The following DCAF6 variants were observed in gnomAD, a reference collection of about 807,000 sequenced individuals.
DCAF6 encodes the protein DDB1- and CUL4-associated factor 6.
In DCAF6, 54 loss-of-function variants were observed where a neutral mutation model predicts 125.1. The observed-to-expected ratio is 0.43, with a 90% confidence interval of 0.35 to 0.54. The LOEUF is 0.54. Ranked by LOEUF, DCAF6 falls within the 20% of genes least tolerant of loss-of-function variation. The pLI is 0.01. For missense variants in DCAF6, 934 were observed against 1,161.7 expected (o/e 0.80, Z 2.85); for synonymous variants, 371 against 390.4 (o/e 0.95, Z 0.58).
intron 1 of DCAF6, among the ~76,000 whole-genome samples, chr1:167,947,224 T>C (rs981420117): frequency 6.6e-6 from 1 of 152,164 alleles, no homozygotes; most frequent in Non-Finnish European, 1.5e-5. Flanking sequence ...ATGTCTCCTT[T>C]TTCATTTCTG....
At position 168,054,442 on chromosome 1, in the gene DCAF6, C is replaced by G. The variant is rs2101880493; in HGVS notation, c.2300+3509C>G. Among the ~76,000 whole-genome samples, 2 of 152,238 alleles carry G rather than the reference C, an allele frequency of 1.3e-5. 1 individual carries two copies. The highest frequency in any genetic ancestry group is 4.1e-4 in the South Asian group (2 of 4,828). On this transcript the variant is annotated intron_variant, in intron 17 of 21. Coordinates refer to ENST00000367840, the MANE Select transcript of DCAF6 (RefSeq NM_001198956.2). Reference sequence around the variant, plus strand: ...ATTAATTCATTCTTGAGAGTGGAGCCCTCATGATCCAATCACCTTTTAAAG... The same window carrying G: ...ATTAATTCATTCTTGAGAGTGGAGCGCTCATGATCCAATCACCTTTTAAAG...
chr1:167,912,157 C>A, the DCAF6 span, among the ~76,000 whole-genome samples: 2 of 152,042 alleles, frequency 1.3e-5, no homozygotes. Flanking sequence ...TTATTATGAC[C>A]TTTTTATGTG....
intron 10 of DCAF6, among the ~76,000 whole-genome samples, chr1:168,012,125 C>G (rs1684380608): frequency 6.6e-6 from 1 of 152,052 alleles, no homozygotes; most frequent in South Asian, 2.1e-4. Flanking sequence ...ATTACCAGGA[C>G]AAGAAATAAG....
the DCAF6 span, among the ~76,000 whole-genome samples, chr1:167,872,531 C>A: frequency 7.9e-5 from 12 of 151,968 alleles, no homozygotes; most frequent in Non-Finnish European, 1.6e-4. Context: ...TAAGCAAAGC[C>A]TCAATATCGG....
At position 167,999,665 on chromosome 1, in the gene DCAF6, CCT is replaced by C. The variant is rs1339062185; in HGVS notation, c.904-2814_904-2813del. Among the ~76,000 whole-genome samples the C allele has an allele frequency of 3.3e-5, 5 of 152,276 alleles. No individual in the cohort carries two copies. In the South Asian group the frequency reaches 1.0e-3, roughly 32 times the overall value. On this transcript the variant is annotated intron_variant, in intron 7 of 21. Coordinates refer to ENST00000367840, the MANE Select transcript of DCAF6 (RefSeq NM_001198956.2). Reference sequence around the variant, plus strand: ...TCTTTCCTTAAACTGCATGAACCAACCTCTGTTAGCTTCAGACTTTTATTCTA... The same window carrying C: ...TCTTTCCTTAAACTGCATGAACCAACCTGTTAGCTTCAGACTTTTATTCTA...
chr1:168,056,095 T>G, intron 17 of DCAF6: 1 of 1,595,508 alleles, frequency 6.3e-7, no homozygotes, highest in South Asian at 1.1e-5. Context: ...TAGAGTTCAC[T>G]AGCAGCTTTC....
chr1:168,022,865 C>T (rs1039667164), intron 11 of DCAF6, 123 bp from the exon 12 acceptor site: 3 of 841,322 alleles, frequency 3.6e-6, no homozygotes, highest in Admixed American at 4.0e-5. Context: ...GGGAATCACA[C>T]CACAGTACTT....
rs776464027 is a variant in DCAF6, at chr1:167,936,872, C to G, written c.-40C>G. 3.3e-6 allele frequency: 5 copies of G among 1,519,072 alleles called. No homozygotes were observed. The highest frequency in any genetic ancestry group is 1.9e-5 in the Admixed American group (1 of 51,318). 94.1% of individuals were successfully genotyped at this position (1,519,072 alleles called of 1,614,324 possible). A position where few individuals can be genotyped will look rare whatever the true frequency, so the allele number is the denominator to read the frequency against. On this transcript the variant is annotated 5_prime_UTR_variant, in exon 1 of 22. Transcript: ENST00000367840. ...GTCCCCTCCCCCTCCTCCCCTCCCC[C>G]ACGCGGTGGTCTCCCCTCCCACCCG...
chr1:167,924,654 T>C, the DCAF6 span: 1 of 683,528 alleles, frequency 1.5e-6, no homozygotes, highest in South Asian at 2.3e-5. Flanking sequence ...TTTTAACCAC[T>C]TTTACTATGC....
At chr1:167,932,480 C>A (rs1670937608), upstream of DCAF6, among the ~76,000 whole-genome samples, 1 of 152,158 alleles carries the variant, frequency 6.6e-6, no homozygotes, top group Admixed American at 6.5e-5. Context: ...CACTCCTCCA[C>A]TGATAATTTT....
chr1:167,952,757 C>T (rs1036057839), intron 2 of DCAF6, among the ~76,000 whole-genome samples: 1 of 152,144 alleles, frequency 6.6e-6, no homozygotes, highest in African/African-American at 2.4e-5. Flanking sequence ...TGACTTCTGC[C>T]TCTTCCCAGA....
chr1:168,033,372 G>A (rs1230726586), intron 12 of DCAF6, among the ~76,000 whole-genome samples: 1 of 146,128 alleles, frequency 6.8e-6, no homozygotes, highest in African/African-American at 2.6e-5. Context: ...GCGGACTGCA[G>A]TGGCGCAATC....
the DCAF6 span, among the ~76,000 whole-genome samples, chr1:167,888,390 A>G: frequency 2.0e-5 from 3 of 151,982 alleles, no homozygotes; most frequent in Non-Finnish European, 4.4e-5. Flanking sequence ...CTTCCAATCT[A>G]TAAGCATGGA....
chr1:168,072,446 T>A (rs1693234920), intron 21 of DCAF6, among the ~76,000 whole-genome samples: 1 of 152,168 alleles, frequency 6.6e-6, no homozygotes, highest in South Asian at 2.1e-4. Context: ...TTATCACTCT[T>A]AAGCTTTAAT....
At position 167,985,217 on chromosome 1, in the gene DCAF6, T is replaced by TGTGTGTGTG. The variant is rs1426890275; in HGVS notation, c.439-2268_439-2260dup. ...TGTGTGTGTGTGTGTGTGTGGTGTG[T>TGTGTGTGTG]GTGTGTGTGGTGTGTGTGTGCGTGC... On this transcript the variant is annotated intron_variant, in intron 4 of 21. Transcript: ENST00000367840. 4.7e-5 allele frequency among the ~76,000 whole-genome samples: 7 copies of TGTGTGTGTG among 149,936 alleles called. No individual in the cohort carries two copies. The East Asian group carries it at 5.8e-4, about 13-fold the overall frequency.
chr1:168,065,389 C>A (rs1210139688), intron 18 of DCAF6, among the ~76,000 whole-genome samples: 5 of 152,018 alleles, frequency 3.3e-5, no homozygotes, highest in African/African-American at 1.2e-4. Context: ...CTCAGGCAGT[C>A]CTCCTGCCTT....
chr1:167,883,329 C>T, the DCAF6 span: 2,925 of 1,295,204 alleles, frequency 2.3e-3, 61 homozygotes, highest in East Asian at 0.028. Flanking sequence ...TGAGCCACCA[C>T]GCCCAGCCTC....
intron 13 of DCAF6, 59 bp from the exon 14 acceptor site, chr1:168,042,966 C>T (rs1308277866): frequency 7.9e-7 from 1 of 1,260,160 alleles, no homozygotes; most frequent in Non-Finnish European, 1.1e-6. Context: ...ATATAAAAAT[C>T]CTAAAAGATC....
At chr1:167,902,508 T>A in the DCAF6 span, among the ~76,000 whole-genome samples, 2 of 152,262 alleles carry the variant, frequency 1.3e-5, no homozygotes, top group African/African-American at 4.8e-5. Flanking sequence ...TTTTGGTTAT[T>A]ACCAACTTTG....
Sources: gnomAD v4.1 joint callset for allele counts (sites outside exome capture counted in the v4.1 genomes callset) on GRCh38, gnomAD v4.1.1 for gene constraint, MANE v1.5 for transcripts, NCBI Gene and HGNC (gene_info 2026-07-23, HGNC 2026-07-21) for gene names.